Variants in PARD3B observed in about 807,000 individuals in gnomAD.
PARD3B encodes the protein partitioning defective 3 homolog B.
A neutral mutation model predicts 130.2 loss-of-function variants in PARD3B; 103 were observed. That is an observed-to-expected ratio of 0.79 (90% CI 0.67 to 0.93). PARD3B has a LOEUF of 0.93. PARD3B is among the 40% of genes least tolerant of loss of function. The probability of loss-of-function intolerance (pLI) is 0.00; values close to 1 mark genes in which losing one functional copy is unlikely to be tolerated. For missense variants in PARD3B, 1,609 were observed against 1,499.2 expected (o/e 1.07, Z -1.21); for synonymous variants, 583 against 553.2 (o/e 1.05, Z -0.76).
intron 20 of PARD3B, among the ~76,000 whole-genome samples, chr2:205,480,009 T>A (rs1271425099): frequency 6.6e-6 from 1 of 151,606 alleles, no homozygotes; most frequent in East Asian, 2.0e-4. Context: ...TTCAAGCGAT[T>A]CTCCTGCCTC....
chr2:205,185,636 A>G, intron 13 of PARD3B, 128 bp from the exon 14 acceptor site: 1 of 678,112 alleles, frequency 1.5e-6, no homozygotes, highest in Non-Finnish European at 2.7e-6. Context: ...TCTGTATGAG[A>G]ACTTATTTAT....
intron 2 of PARD3B, among the ~76,000 whole-genome samples, chr2:204,732,772 G>A (rs1574842191): frequency 6.6e-6 from 1 of 152,320 alleles, no homozygotes; most frequent in East Asian, 1.9e-4. Flanking sequence ...GTAGGCATTA[G>A]TATTTGGATG....
intron 2 of PARD3B, among the ~76,000 whole-genome samples, chr2:204,839,314 T>A (rs138663872): frequency 1.3e-5 from 2 of 152,342 alleles, no homozygotes; most frequent in East Asian, 3.9e-4. Context: ...CGTATCAATT[T>A]TACATTTTCT....
intron 22 of PARD3B, among the ~76,000 whole-genome samples, chr2:205,567,331 T>C (rs1178515241): frequency 1.5e-5 from 1 of 65,394 alleles, no homozygotes; most frequent in Non-Finnish European, 3.1e-5. Flanking sequence ...TTTTTTTTTT[T>C]TGAGATGGAG....
chr2:204,565,005 C>T (rs896996091), intron 1 of PARD3B, among the ~76,000 whole-genome samples: 1 of 152,214 alleles, frequency 6.6e-6, no homozygotes, highest in Non-Finnish European at 1.5e-5. Flanking sequence ...CAAGATATCG[C>T]CTAGGCTATG....
intron 2 of PARD3B, among the ~76,000 whole-genome samples, chr2:204,714,081 C>T (rs558766189): frequency 6.6e-6 from 1 of 152,258 alleles, no homozygotes; most frequent in South Asian, 2.1e-4. Flanking sequence ...ATCCATAGGT[C>T]ATACCTGTAT....
rs555465491 is a variant in PARD3B, at chr2:205,159,131, C to T, written c.1620+224C>T. Among the ~76,000 whole-genome samples, 4 of 152,318 alleles carry T rather than the reference C, an allele frequency of 2.6e-5. No homozygotes were observed. The East Asian group carries it at 5.8e-4, about 22-fold the overall frequency. Reference sequence around the variant, plus strand: ...CTTAGAGTTACCTCTAAAAACCCAACATGATTCACATTCTTTTTTGCATAC... The same window carrying T: ...CTTAGAGTTACCTCTAAAAACCCAATATGATTCACATTCTTTTTTGCATAC... On this transcript the variant is annotated intron_variant, in intron 11 of 22. Transcript: ENST00000406610.
At position 204,562,343 on chromosome 2, in the gene PARD3B, A is replaced by C. The variant is rs199509352; in HGVS notation, c.120+16224A>C. 6.6e-5 allele frequency among the ~76,000 whole-genome samples: 10 copies of C among 152,316 alleles called. No individual in the cohort carries two copies. In the East Asian group the frequency reaches 1.7e-3, roughly 27 times the overall value. The stretch of plus-strand genomic sequence containing the variant: ...ATCTGATTGCTTATAGATTTATCCA[A>C]AGTGTGAGGCTGAAGTTAAGCTTCT... On this transcript the variant is annotated intron_variant, in intron 1 of 22. Coordinates refer to ENST00000406610, the MANE Select transcript of PARD3B (RefSeq NM_001302769.2).
intron 2 of PARD3B, among the ~76,000 whole-genome samples, chr2:204,904,562 G>GAA (rs1246601461): frequency 6.6e-6 from 1 of 151,856 alleles, no homozygotes; most frequent in Non-Finnish European, 1.5e-5. Flanking sequence ...AATTAAAAAT[G>GAA]AAAAAAATTA....
chr2:204,595,165 C>T (rs768510786), intron 1 of PARD3B, among the ~76,000 whole-genome samples: 2 of 152,186 alleles, frequency 1.3e-5, no homozygotes, highest in African/African-American at 4.8e-5. Flanking sequence ...GGAAATTTCA[C>T]TCAGAATGTC....
chr2:205,483,875 G>A (rs1358309240), intron 20 of PARD3B, among the ~76,000 whole-genome samples: 1 of 152,154 alleles, frequency 6.6e-6, no homozygotes, highest in Non-Finnish European at 1.5e-5. Flanking sequence ...ACTTGGAAAA[G>A]AGATTATTTG....
At chr2:204,831,485 C>T (rs577676522) in intron 2 of PARD3B, among the ~76,000 whole-genome samples, 7 of 152,170 alleles carry the variant, frequency 4.6e-5, no homozygotes, top group Non-Finnish European at 1.0e-4. Context: ...ACTGCTCTTA[C>T]TTAAGCACTG....
rs115025591 is a variant in PARD3B at position 205,441,926 on chromosome 2, G to A, written c.3044+1254G>A. 6.5e-3 allele frequency among the ~76,000 whole-genome samples: 989 copies of A among 152,280 alleles called. 9 individuals carry two copies. Among genetic ancestry groups the A allele is most frequent in the African/African-American group, 0.022 (904 of 41,572 alleles). On this transcript the variant is annotated intron_variant, in intron 20 of 22. Coordinates refer to ENST00000406610, the MANE Select transcript of PARD3B (RefSeq NM_001302769.2). The stretch of plus-strand genomic sequence containing the variant: ...TATAAATTTTTATGACTGTGATATA[G>A]CCATAATAACTAAACTGCTAATTCA...
chr2:205,096,881 T>A (rs1559433152), intron 4 of PARD3B, among the ~76,000 whole-genome samples: 1 of 152,202 alleles, frequency 6.6e-6, no homozygotes, highest in Non-Finnish European at 1.5e-5. Flanking sequence ...AACTTGATAG[T>A]CTTTCGTATA....
chr2:204,818,405 T>G (rs1163436023), intron 2 of PARD3B, among the ~76,000 whole-genome samples: 1 of 152,198 alleles, frequency 6.6e-6, no homozygotes, highest in Non-Finnish European at 1.5e-5. Flanking sequence ...ACTATTTGCT[T>G]CTTTCTAAAA....
intron 1 of PARD3B, among the ~76,000 whole-genome samples, chr2:204,572,959 G>T (rs574809893): frequency 5.9e-5 from 9 of 152,274 alleles, no homozygotes; most frequent in South Asian, 2.1e-4. Flanking sequence ...ATTTCAGAAG[G>T]CCTCCTGGAA....
intron 2 of PARD3B, among the ~76,000 whole-genome samples, chr2:204,745,078 A>G (rs961638845): frequency 1.3e-5 from 2 of 152,180 alleles, no homozygotes; most frequent in Non-Finnish European, 1.5e-5. Context: ...GGAATGCTTT[A>G]AAGTTGAGGT....
intron 4 of PARD3B, among the ~76,000 whole-genome samples, chr2:205,074,234 G>C (rs1002034064): frequency 6.6e-6 from 1 of 151,948 alleles, no homozygotes; most frequent in African/African-American, 2.4e-5. Context: ...TTGTCTATTT[G>C]AATAAAAACA....
chr2:205,368,642 G>C (rs1053595323), intron 18 of PARD3B, among the ~76,000 whole-genome samples: 6 of 151,966 alleles, frequency 3.9e-5, no homozygotes, highest in African/African-American at 7.3e-5. Flanking sequence ...AAAAATAAAA[G>C]TTGTAAAATA....
Sources: allele counts gnomAD v4.1 joint callset (sites outside exome capture counted in the v4.1 genomes callset), GRCh38; gene constraint gnomAD v4.1.1; transcripts MANE v1.5; gene names NCBI Gene and HGNC (gene_info 2026-07-23, HGNC 2026-07-21).